Variants in PDE8B observed in about 807,000 individuals in gnomAD.
The protein encoded by PDE8B is phosphodiesterase 8B.
PDE8B carries 26 observed loss-of-function variants against 101.3 expected under a neutral mutation model. That is an observed-to-expected ratio of 0.26 (90% CI 0.19 to 0.36). PDE8B has a LOEUF of 0.36. Among genes scored for constraint, PDE8B ranks in the 10% least tolerant of loss-of-function variants. The probability of loss-of-function intolerance (pLI) is 1.00; values close to 1 mark genes in which losing one functional copy is unlikely to be tolerated. For synonymous variants in PDE8B, 424 were observed against 429.3 expected (o/e 0.99, Z 0.15); for missense variants, 810 against 1,163.1 (o/e 0.70, Z 4.42).
At chr5:77,364,480 G>C (rs67427703) in intron 10 of PDE8B, among the ~76,000 whole-genome samples, 7,387 of 152,246 alleles carry the variant, frequency 0.049, 252 homozygotes, top group African/African-American at 0.098. Context: ...TGAAAAAGAA[G>C]TGAGGAGGAG....
rs921469164 is a variant in PDE8B at position 77,299,135 on chromosome 5, C to T, written c.340-12859C>T. 2.3e-4 allele frequency among the ~76,000 whole-genome samples: 35 copies of T among 152,190 alleles called. 1 individual carries two copies. Among genetic ancestry groups the T allele is most frequent in the Admixed American group, 1.3e-4 (2 of 15,284 alleles). On this transcript the variant is annotated intron_variant, in intron 1 of 21. Transcript: ENST00000264917. ...TGTCTTACACAAAGGCCCCAAGGCCCGTAAGAAATAGTAATGATTTTAAAC... is the reference window on the plus strand; with the variant it reads ...TGTCTTACACAAAGGCCCCAAGGCCTGTAAGAAATAGTAATGATTTTAAAC...
chr5:77,294,759 AAC>A (rs1768141638), intron 1 of PDE8B, among the ~76,000 whole-genome samples: 2 of 150,694 alleles, frequency 1.3e-5, no homozygotes. Flanking sequence ...GAAGAAGAAA[AAC>A]ACAGAAATAA....
In PDE8B at chr5:77,427,927, A is replaced by T. The variant is rs1277008707; in HGVS notation, c.*1373A>T. On this transcript the variant is annotated 3_prime_UTR_variant, in exon 22 of 22. Transcript: ENST00000264917. Reference sequence around the variant, plus strand: ...TCAGTAATTACTTTTTTCCAATACAAATTGGAATGCAGAATACTTGGAACT... The same window carrying T: ...TCAGTAATTACTTTTTTCCAATACATATTGGAATGCAGAATACTTGGAACT... The T allele has an allele frequency of 2.0e-5, 3 of 152,190 alleles. No homozygotes were observed. Among genetic ancestry groups the T allele is most frequent in the Non-Finnish European group, 4.4e-5 (3 of 68,032 alleles). 9.4% of individuals were successfully genotyped at this position (152,190 alleles called of 1,614,324 possible).
intron 10 of PDE8B, among the ~76,000 whole-genome samples, chr5:77,395,928 T>G (rs1449985687): frequency 6.6e-6 from 1 of 152,112 alleles, no homozygotes; most frequent in Non-Finnish European, 1.5e-5. Flanking sequence ...TAAACAGATC[T>G]GACAGAGGCT....
chr5:77,231,075 T>C (rs1753462296), intron 1 of PDE8B, among the ~76,000 whole-genome samples: 1 of 152,182 alleles, frequency 6.6e-6, no homozygotes, highest in Non-Finnish European at 1.5e-5. Flanking sequence ...AGGTTTCTGG[T>C]TTGGGTGCAT....
chr5:77,392,975 C>T (rs1790254513), intron 10 of PDE8B, among the ~76,000 whole-genome samples: 1 of 152,066 alleles, frequency 6.6e-6, no homozygotes, highest in Admixed American at 6.6e-5. Context: ...GCCAGAACAA[C>T]AACAACAAAA....
chr5:77,189,797 A>G, the PDE8B span, among the ~76,000 whole-genome samples: 4 of 152,182 alleles, frequency 2.6e-5, no homozygotes, highest in African/African-American at 9.7e-5. Flanking sequence ...GACAGTTTGT[A>G]GGAGGCTCAC....
At chr5:77,405,224 A>T (rs944104688) in intron 12 of PDE8B, among the ~76,000 whole-genome samples, 1 of 152,266 alleles carries the variant, frequency 6.6e-6, no homozygotes, top group Admixed American at 6.5e-5. Context: ...CGTGAGGCAG[A>T]ATTTAGCAAA....
intron 10 of PDE8B, among the ~76,000 whole-genome samples, chr5:77,355,171 G>C (rs531593234): frequency 6.6e-6 from 1 of 152,174 alleles, no homozygotes; most frequent in Non-Finnish European, 1.5e-5. Context: ...GGATACAGGG[G>C]TGGGGGGCCA....
In PDE8B at chr5:77,352,791, C is replaced by T. The variant is rs911442988; in HGVS notation, c.1107-555C>T. On this transcript the variant is annotated intron_variant, in intron 9 of 21. Coordinates refer to ENST00000264917, the MANE Select transcript of PDE8B (RefSeq NM_003719.5). ...GCTGAGGCACCTGTCATCTTTTGCC[C>T]GGTTTTCCTTGTGACAGTGATAAAG... 6.6e-5 allele frequency among the ~76,000 whole-genome samples: 10 copies of T among 152,224 alleles called. No homozygotes were observed. The South Asian group carries it at 8.3e-4, about 13-fold the overall frequency.
intron 6 of PDE8B, among the ~76,000 whole-genome samples, chr5:77,343,147 A>G (rs1025607752): frequency 6.6e-6 from 1 of 152,180 alleles, no homozygotes; most frequent in Non-Finnish European, 1.5e-5. Flanking sequence ...TATATATGCT[A>G]TTGTTTATGC....
chr5:77,424,133 C>T (rs1797374839), intron 20 of PDE8B, among the ~76,000 whole-genome samples: 1 of 151,958 alleles, frequency 6.6e-6, no homozygotes, highest in African/African-American at 2.4e-5. Flanking sequence ...CCTTGAACAC[C>T]AGTGGATATT....
intron 1 of PDE8B, among the ~76,000 whole-genome samples, chr5:77,230,887 C>T (rs566466760): frequency 8.5e-4 from 129 of 152,330 alleles, no homozygotes; most frequent in Admixed American, 3.7e-3. Context: ...AATCTTCAGG[C>T]AGCACCATTT....
At chr5:77,335,562 T>TGAGA (rs1477904890) in intron 5 of PDE8B, among the ~76,000 whole-genome samples, 1 of 130,690 alleles carries the variant, frequency 7.7e-6, no homozygotes, top group African/African-American at 3.1e-5. Context: ...TGTGTGTGTG[T>TGAGA]GTGAGAGAGA....
chr5:77,412,239 T>C lies in PDE8B; in HGVS notation c.1712+4T>C. 1 of 1,614,104 alleles carries C rather than the reference T, an allele frequency of 6.2e-7. No individual in the cohort carries two copies. Among genetic ancestry groups the C allele is most frequent in the South Asian group, 1.1e-5 (1 of 91,084 alleles). On this transcript the variant is annotated splice_donor_region_variant and intron_variant, in intron 16 of 21. Transcript: ENST00000264917. ...TGGAAGCCATTACGCATAAAAGGTA[T>C]GTGACTTCTCTGGCTGAAGGCAGAG...
upstream of PDE8B, among the ~76,000 whole-genome samples, chr5:77,209,650 TCA>T (rs1279809004): frequency 2.0e-5 from 3 of 152,144 alleles, no homozygotes; most frequent in Admixed American, 2.0e-4. Flanking sequence ...CCAGCACAGC[TCA>T]GTCTGTGCAT....
intron 1 of PDE8B, among the ~76,000 whole-genome samples, chr5:77,217,436 A>G (rs1750028425): frequency 6.6e-6 from 1 of 152,196 alleles, no homozygotes; most frequent in Non-Finnish European, 1.5e-5. Flanking sequence ...TTTAGAACAT[A>G]TTTAAAAATA....
chr5:77,389,970 C>T (rs1246106209), intron 10 of PDE8B, among the ~76,000 whole-genome samples: 1 of 152,022 alleles, frequency 6.6e-6, no homozygotes, highest in Non-Finnish European at 1.5e-5. Flanking sequence ...TGTTGGGCTG[C>T]GTAGTAGGTG....
chr5:77,099,744 G>A, the PDE8B span, among the ~76,000 whole-genome samples: 3 of 151,984 alleles, frequency 2.0e-5, no homozygotes, highest in African/African-American at 7.3e-5. Flanking sequence ...CGAGTAGCTG[G>A]GACTATAGGT....
Sources: allele counts gnomAD v4.1 joint callset (sites outside exome capture counted in the v4.1 genomes callset), GRCh38; gene constraint gnomAD v4.1.1; transcripts MANE v1.5; gene names NCBI Gene and HGNC (gene_info 2026-07-23, HGNC 2026-07-21).